Variants in ZNF534 observed in about 807,000 individuals in gnomAD.
ZNF534 encodes zinc finger protein 534, also known as KRAB domain only 3.
In ZNF534, 19 loss-of-function variants were observed where a neutral mutation model predicts 13.6. The ratio of observed to expected loss-of-function variants is 1.40; its 90% CI spans 0.97 to 2.05. The LOEUF (loss-of-function observed/expected upper bound fraction) is 2.05, where lower values mean the gene tolerates loss of function less well. Ranked by LOEUF, ZNF534 falls within the 30% of genes most tolerant of loss-of-function variation. The probability of loss-of-function intolerance (pLI) is 0.00; values close to 1 mark genes in which losing one functional copy is unlikely to be tolerated. For synonymous variants in ZNF534, 244 were observed against 273.8 expected, an observed-to-expected ratio of 0.89 and a Z score of 1.07; for missense variants, 782 against 796.3, an observed-to-expected ratio of 0.98 and a Z score of 0.22.
intron 1 of ZNF534, among the ~76,000 whole-genome samples, chr19:52,430,655 A>G (rs2059081153): frequency 2.0e-5 from 3 of 151,072 alleles, no homozygotes; most frequent in South Asian, 2.1e-4. Context: ...GGTTCAAGCA[A>G]TTCTCCTGCC....
intron 4 of ZNF534, among the ~76,000 whole-genome samples, chr19:52,447,513 G>T (rs2059198571): frequency 1.3e-5 from 2 of 152,104 alleles, no homozygotes; most frequent in Non-Finnish European, 2.9e-5. Context: ...TTTCCCTAAG[G>T]TATGTAGGTG....
chr19:52,430,208 G>A (rs1217544057), intron 1 of ZNF534, among the ~76,000 whole-genome samples: 10 of 151,568 alleles, frequency 6.6e-5, no homozygotes, highest in Non-Finnish European at 1.3e-4. Context: ...TACAGACAGG[G>A]TTTGACCATG....
downstream of ZNF534, among the ~76,000 whole-genome samples, chr19:52,443,703 T>C (rs536751017): frequency 1.4e-4 from 22 of 152,036 alleles, no homozygotes; most frequent in East Asian, 1.4e-3. Flanking sequence ...TGAGCCGAGA[T>C]TGCGCCATTG....
In ZNF534 at chr19:52,439,163, A is replaced by G. The variant is rs192999840; in HGVS notation, c.1703A>G (p.His568Arg). The G allele has an allele frequency of 5.2e-6, 8 of 1,544,002 alleles. No individual in the cohort carries two copies. Among genetic ancestry groups the G allele is most frequent in the Non-Finnish European group, 7.0e-6 (8 of 1,139,398 alleles). ...VFSRNSHLAR[H>R]RNIHTGEKPH... ...AGTCGGAATTCACACCTTGCGCGAC[A>G]TAGGAATATTCATACTGGAGAGAAG... The change falls in exon 5 of 5, where the codon CAT (histidine) becomes CGT (arginine). Residue 568 changes from histidine to arginine, a missense_variant. His to Arg is a conservative substitution (Grantham distance 29). Around this residue, in one of 5 missense-constraint regions of ZNF534, gnomAD observed 591 missense variants for 574.0 expected, o/e 1.03. Transcript: ENST00000433050.
At position 52,442,030 on chromosome 19, in the gene ZNF534, C is replaced by A. The variant is rs1247055786; in HGVS notation, c.*2584C>A. Among the ~76,000 whole-genome samples the A allele has an allele frequency of 1.5e-5, 2 of 135,112 alleles. No homozygotes were observed. The highest frequency in any genetic ancestry group is 3.2e-5 in the Non-Finnish European group (2 of 63,182). The allele number at this position is 135,112 out of a possible 152,430, so 88.6% of individuals were successfully genotyped here. On this transcript the variant is annotated 3_prime_UTR_variant, in exon 5 of 5. Coordinates refer to ENST00000433050, the MANE Select transcript of ZNF534 (RefSeq NM_001143938.3). ...GTGGCACAGGCTTTCCTGAGGCCTGCCAAATCACTAGAAATCAAAATATAC... is the reference window on the plus strand; with the variant it reads ...GTGGCACAGGCTTTCCTGAGGCCTGACAAATCACTAGAAATCAAAATATAC...
chr19:52,433,450 T>C (rs1321773142), intron 2 of ZNF534, among the ~76,000 whole-genome samples: 6 of 152,006 alleles, frequency 3.9e-5, no homozygotes, highest in Non-Finnish European at 5.9e-5. Context: ...CACTGCAATG[T>C]CCCACTCCTG....
At position 52,438,578 on chromosome 19, in the gene ZNF534, G is replaced by A. The variant is rs748668130; in HGVS notation, c.1118G>A (p.Arg373Gln). 1.1e-5 allele frequency: 18 copies of A among 1,583,850 alleles called. No homozygotes were observed. The highest frequency in any genetic ancestry group is 7.3e-5 in the Admixed American group (4 of 55,018). The change falls in exon 5 of 5, where the codon CGG (arginine) becomes CAG (glutamine). Residue 373 changes from arginine to glutamine, a missense_variant. Transcript: ENST00000433050. Reference protein sequence around the residue: ...FSRIAFLARHRKVHTGEKPYK... With the variant: ...FSRIAFLARHQKVHTGEKPYK... ...CGAATTGCATTCCTTGCAAGGCATC[G>A]GAAAGTTCATACTGGAGAGAAACCT...
chr19:52,433,576 C>CA (rs2122665854), intron 2 of ZNF534, among the ~76,000 whole-genome samples: 1 of 152,300 alleles, frequency 6.6e-6, no homozygotes, highest in Admixed American at 6.5e-5. Context: ...CCGTGTTGGC[C>CA]AAGATGGTCT....
At chr19:52,435,933 C>CTTTTTTTTTTTTTTTTTTTTTTTTT (rs1289517628) in intron 4 of ZNF534, among the ~76,000 whole-genome samples, 1 of 17,522 alleles carries the variant, frequency 5.7e-5, no homozygotes, top group African/African-American at 7.2e-5. Context: ...TATTTTTCTT[C>CTTTTTTTTTTTTTTTTTTTTTTTTT]TTCTTCTTTT....
Position 52,450,679 on chromosome 19 carries a change from T to G in ZNF534, c.272-508T>G, listed in dbSNP as rs367883170. Among the ~76,000 whole-genome samples the G allele has an allele frequency of 3.8e-3, 131 of 34,110 alleles. 2 individuals are homozygous for G. The South Asian group carries it at 0.04, about 10-fold the overall frequency. The allele number at this position is 34,110 out of a possible 152,430, so 22.4% of individuals were successfully genotyped here. On this transcript the variant is annotated intron_variant, in intron 4 of 4. Coordinates refer to the ZNF534 transcript ENST00000301085. ...CCTATGAATTTTAGGAGTTTTTTTT[T>G]TTTTTGTTTTTGTTTTTGTTTTTTT... is the stretch of plus-strand genomic sequence containing the variant.
At chr19:52,451,826 G>A in exon 5 of ZNF534, 1 of 783,214 alleles carries the variant, frequency 1.3e-6, no homozygotes, top group East Asian at 3.0e-5. Context: ...AAAAAAAGGT[G>A]ATCGAATTGC....
rs1307031809 is a variant in ZNF534 at position 52,441,782 on chromosome 19, G to A, written c.*2336G>A. Among the ~76,000 whole-genome samples, 1 of 152,158 alleles carries A rather than the reference G, an allele frequency of 6.6e-6. No homozygotes were observed. Among genetic ancestry groups the A allele is most frequent in the Non-Finnish European group, 1.5e-5 (1 of 68,034 alleles). ...TTACAAATACAAATCACCACATAGA[G>A]AGAAACCTTACAAATACAAATCACC... is the stretch of plus-strand genomic sequence containing the variant. On this transcript the variant is annotated 3_prime_UTR_variant, in exon 5 of 5. Transcript: ENST00000433050.
chr19:52,438,955 T>C lies in ZNF534; in HGVS notation c.1495T>C (p.Cys499Arg). 5.6e-6 allele frequency: 9 copies of C among 1,605,028 alleles called. No homozygotes were observed. Among genetic ancestry groups the C allele is most frequent in the Non-Finnish European group, 7.7e-6 (9 of 1,175,134 alleles). The change falls in exon 5 of 5, where the codon TGT becomes CGT. Residue 499 changes from cysteine to arginine, a missense_variant. Physicochemically the swap from Cys to Arg is radical, Grantham distance 180. This residue lies in a region of ZNF534 where 591 missense variants were observed against 574.0 expected (regional missense o/e 1.03). Coordinates refer to ENST00000433050, the MANE Select transcript of ZNF534 (RefSeq NM_001143938.3). Reference protein sequence around the residue: ...TGEKLYKCNECGKVFRQNSHL... With the variant: ...TGEKLYKCNERGKVFRQNSHL... ...AGAGAAGCTTTACAAATGTAATGAA[T>C]GTGGCAAGGTCTTCCGTCAGAATTC...
intron 4 of ZNF534, among the ~76,000 whole-genome samples, chr19:52,449,803 C>T (rs938803065): frequency 2.0e-5 from 3 of 151,734 alleles, no homozygotes; most frequent in African/African-American, 4.9e-5. Context: ...AGGTGGATCA[C>T]GAGGTCAGGA....
rs1341002620 is a variant in ZNF534, at chr19:52,440,059, ACT to A, written c.*616_*617del. Among the ~76,000 whole-genome samples the A allele has an allele frequency of 4.0e-5, 1 of 25,124 alleles. No homozygotes were observed. The highest frequency in any genetic ancestry group is 8.2e-5 in the African/African-American group (1 of 12,220). The allele number at this position is 25,124 out of a possible 152,430, so 16.5% of individuals were successfully genotyped here. ...CTCCAGCTTGGGCAAGAGGAGCAAA[ACT>A]CTTTCTTTAAAAACAAAACAAAAAA... On this transcript the variant is annotated 3_prime_UTR_variant, in exon 5 of 5. Transcript: ENST00000433050.
At position 52,437,917 on chromosome 19, in the gene ZNF534, T is replaced by G; in HGVS notation, c.457T>G (p.Phe153Val). 6.2e-7 allele frequency: 1 copy of G among 1,612,950 alleles called. No homozygotes were observed. Among genetic ancestry groups the G allele is most frequent in the Non-Finnish European group, 8.5e-7 (1 of 1,179,412 alleles). Residue 153 changes from phenylalanine (F) to valine (V), a missense_variant, in exon 5 of 5, where the codon TTC (phenylalanine) becomes GTC (valine). Around this residue, in one of 5 missense-constraint regions of ZNF534, gnomAD observed 591 missense variants for 574.0 expected, o/e 1.03. Coordinates refer to ENST00000433050, the MANE Select transcript of ZNF534 (RefSeq NM_001143938.3). The stretch of plus-strand genomic sequence containing the variant: ...AGTTTCACCAGTTCAAATAAGTTTT[T>G]TCAGTGTCAAAACCCATATTTTTAA... The part of the protein sequence containing the change: ...SSVSPVQISF[F>V]SVKTHIFNNY...
rs1251629480 is a variant in ZNF534, at chr19:52,438,295, T to C, written c.835T>C (p.Phe279Leu). 6.2e-7 allele frequency: 1 copy of C among 1,605,968 alleles called. No individual in the cohort carries two copies. ...PYNNKECGKV[F>L]SHHAYLAQHR... ...CAATAACAAAGAATGTGGGAAAGTC[T>C]TTAGTCACCATGCCTACCTTGCACA... The change falls in exon 5 of 5, where the codon TTT (phenylalanine) becomes CTT (leucine). Residue 279 changes from phenylalanine (F) to leucine (L), a missense_variant. By Grantham distance (22) the Phe-to-Leu change is conservative. Coordinates refer to ENST00000433050, the MANE Select transcript of ZNF534 (RefSeq NM_001143938.3).
chr19:52,438,601 C>A lies in ZNF534; in HGVS notation c.1141C>A (p.Pro381Thr). The A allele has an allele frequency of 6.3e-7, 1 of 1,588,318 alleles. No individual in the cohort carries two copies. The highest frequency in any genetic ancestry group is 8.6e-7 in the Non-Finnish European group (1 of 1,165,766). Residue 381 changes from proline (P) to threonine (T), a missense_variant, in exon 5 of 5, where the codon CCT (proline) becomes ACT (threonine). Pro to Thr is a conservative substitution (Grantham distance 38). Coordinates refer to ENST00000433050, the MANE Select transcript of ZNF534 (RefSeq NM_001143938.3). ...RHRKVHTGEK[P>T]YKCNECGKVF... ...TCGGAAAGTTCATACTGGAGAGAAACCTTACAAATGTAATGAGTGTGGCAA... is the reference window on the plus strand; with the variant it reads ...TCGGAAAGTTCATACTGGAGAGAAAACTTACAAATGTAATGAGTGTGGCAA...
At position 52,438,781 on chromosome 19, in the gene ZNF534, A is replaced by G. The variant is rs925844752; in HGVS notation, c.1321A>G (p.Ile441Val). Residue 441 changes from isoleucine (I) to valine (V), a missense_variant, in exon 5 of 5, where the codon ATA becomes GTA. Coordinates refer to ENST00000433050, the MANE Select transcript of ZNF534 (RefSeq NM_001143938.3). ...TACTGGAGAGAAACCTTACGAATGT[A>G]TAGACTGTGGCAAGGTCTTCAGGCA... is the stretch of plus-strand genomic sequence containing the variant. Reference protein sequence around the residue: ...IHTGEKPYECIDCGKVFRHKS... With the variant: ...IHTGEKPYECVDCGKVFRHKS... 1.2e-6 allele frequency: 2 copies of G among 1,608,448 alleles called. No homozygotes were observed. Among genetic ancestry groups the G allele is most frequent in the Non-Finnish European group, 1.7e-6 (2 of 1,177,120 alleles).
Sources: allele counts gnomAD v4.1 joint callset (sites outside exome capture counted in the v4.1 genomes callset), GRCh38; gene constraint gnomAD v4.1.1; regional missense constraint gnomAD v4.1.1; transcripts MANE v1.5; gene names NCBI Gene and HGNC (gene_info 2026-07-23, HGNC 2026-07-21).